The following FRMD6 variants were observed in gnomAD, a reference collection of about 807,000 sequenced individuals.
FRMD6 encodes the protein FERM domain containing 6.
In FRMD6, 37 loss-of-function variants were observed where a neutral mutation model predicts 73.2. That is an observed-to-expected ratio of 0.51 (90% CI 0.39 to 0.66). FRMD6 has a LOEUF of 0.66. FRMD6 is among the 30% of genes least tolerant of loss of function. The probability of loss-of-function intolerance (pLI) is 0.00; values close to 1 mark genes in which losing one functional copy is unlikely to be tolerated. For missense variants in FRMD6, 714 were observed against 780.5 expected (o/e 0.91, Z 1.02); for synonymous variants, 273 against 282.2 (o/e 0.97, Z 0.33).
the FRMD6 span, among the ~76,000 whole-genome samples, chr14:51,432,248 C>A: frequency 1.3e-5 from 2 of 152,096 alleles, no homozygotes; most frequent in Non-Finnish European, 2.9e-5. Flanking sequence ...GGGATCAAAT[C>A]CAGCTTCATT....
intron 1 of FRMD6, among the ~76,000 whole-genome samples, chr14:51,493,213 A>G (rs1883114897): frequency 6.6e-6 from 1 of 152,130 alleles, no homozygotes; most frequent in Non-Finnish European, 1.5e-5. Context: ...ATCACTTTAG[A>G]TTTTTCAAAA....
chr14:51,550,160 C>T (rs1886731554), intron 1 of FRMD6, among the ~76,000 whole-genome samples: 1 of 152,178 alleles, frequency 6.6e-6, no homozygotes, highest in Admixed American at 6.5e-5. Context: ...AAATTCACTC[C>T]AGGGAGTAAC....
At chr14:51,463,444 C>G in the FRMD6 span, among the ~76,000 whole-genome samples, 1 of 152,152 alleles carries the variant, frequency 6.6e-6, no homozygotes, top group Non-Finnish European at 1.5e-5. Context: ...CTTTTTGGAA[C>G]TTTGTGGAAT....
the FRMD6 span, among the ~76,000 whole-genome samples, chr14:51,465,678 T>C: frequency 1.9e-4 from 29 of 152,266 alleles, no homozygotes; most frequent in African/African-American, 7.0e-4. Context: ...TGCATGGATA[T>C]ACCACTATTT....
chr14:51,437,052 AG>A, the FRMD6 span: 29 of 448,054 alleles, frequency 6.5e-5, no homozygotes, highest in East Asian at 1.6e-3. Context: ...TTTGTTACAT[AG>A]GTATACATTG....
intron 2 of FRMD6, among the ~76,000 whole-genome samples, chr14:51,574,890 G>T (rs1056000623): frequency 6.6e-6 from 1 of 152,076 alleles, no homozygotes; most frequent in African/African-American, 2.4e-5. Context: ...ATTTACCCTG[G>T]TGTGATTACT....
rs374325590 is a variant in FRMD6, at chr14:51,701,597, A to G, written c.294+438A>G. 1.3e-3 allele frequency among the ~76,000 whole-genome samples: 194 copies of G among 147,554 alleles called. 2 individuals are homozygous for G. The East Asian group carries it at 0.014, about 11-fold the overall frequency. Reference sequence around the variant, plus strand: ...ATAGTATATAAAGTATATATAGTATATATACTTAGTATATATAAAAAATGG... The same window carrying G: ...ATAGTATATAAAGTATATATAGTATGTATACTTAGTATATATAAAAAATGG... On this transcript the variant is annotated intron_variant, in intron 4 of 13. Coordinates refer to ENST00000344768, the MANE Select transcript of FRMD6 (RefSeq NM_001267046.2).
chr14:51,519,675 C>G (rs963761618), intron 1 of FRMD6, among the ~76,000 whole-genome samples: 4 of 152,084 alleles, frequency 2.6e-5, no homozygotes, highest in Admixed American at 2.6e-4. Context: ...CATGGTGATC[C>G]TTACACTGTA....
chr14:51,524,083 C>A (rs921249245), intron 1 of FRMD6, among the ~76,000 whole-genome samples: 1 of 152,168 alleles, frequency 6.6e-6, no homozygotes, highest in African/African-American at 2.4e-5. Flanking sequence ...CACACATACA[C>A]AATATCTCAT....
At chr14:51,610,068 T>C (rs79700405) in intron 2 of FRMD6, among the ~76,000 whole-genome samples, 2,002 of 152,292 alleles carry the variant, frequency 0.013, 38 homozygotes, top group African/African-American at 0.045. Flanking sequence ...AGTCCGCCTC[T>C]AGTTTCATCT....
At chr14:51,501,152 T>C (rs777019591) in intron 1 of FRMD6, among the ~76,000 whole-genome samples, 14 of 152,248 alleles carry the variant, frequency 9.2e-5, no homozygotes, top group Non-Finnish European at 1.3e-4. Context: ...AATCTCTCCA[T>C]GCCCTGTTTC....
At chr14:51,519,962 T>C (rs183337056) in intron 1 of FRMD6, among the ~76,000 whole-genome samples, 1 of 152,302 alleles carries the variant, frequency 6.6e-6, no homozygotes, top group East Asian at 1.9e-4. Context: ...TATATGGATG[T>C]ACCCATTGTG....
the FRMD6 span, among the ~76,000 whole-genome samples, chr14:51,468,053 C>T: frequency 5.9e-5 from 9 of 152,244 alleles, 1 homozygote; most frequent in East Asian, 1.7e-3. Flanking sequence ...CCTCGGGAGG[C>T]CTAGGCTGGC....
At chr14:51,704,993 G>A in intron 6 of FRMD6, 58 bp downstream of exon 6, 1 of 1,464,868 alleles carries the variant, frequency 6.8e-7, no homozygotes, top group Non-Finnish European at 9.4e-7. Flanking sequence ...CTAGTTCGTA[G>A]TGTTGCTACT....
the FRMD6 span, among the ~76,000 whole-genome samples, chr14:51,443,821 G>A: frequency 1.3e-5 from 2 of 152,146 alleles, no homozygotes; most frequent in East Asian, 1.9e-4. Context: ...GCCAGAACAA[G>A]GCTTATCTCC....
intron 2 of FRMD6, among the ~76,000 whole-genome samples, chr14:51,645,475 G>T (rs1892022497): frequency 6.6e-6 from 1 of 152,062 alleles, no homozygotes; most frequent in Admixed American, 6.5e-5. Context: ...CTGTCACTCA[G>T]ATTGAGTGCA....
chr14:51,427,311 C>T, the FRMD6 span, among the ~76,000 whole-genome samples: 2 of 152,210 alleles, frequency 1.3e-5, no homozygotes, highest in Non-Finnish European at 2.9e-5. Flanking sequence ...TGGAGCAATA[C>T]ATTATTTATT....
At chr14:51,460,709 A>G in the FRMD6 span, among the ~76,000 whole-genome samples, 2 of 152,208 alleles carry the variant, frequency 1.3e-5, no homozygotes, top group African/African-American at 4.8e-5. Flanking sequence ...AGAGCAAGTG[A>G]TATGTTTCCT....
chr14:51,551,877 AT>A (rs968982881), intron 1 of FRMD6, among the ~76,000 whole-genome samples: 4 of 152,138 alleles, frequency 2.6e-5, no homozygotes, highest in Admixed American at 2.0e-4. Flanking sequence ...ATAGGTATGT[AT>A]TTGATCCATT....
Sources: allele counts gnomAD v4.1 joint callset (sites outside exome capture counted in the v4.1 genomes callset), GRCh38; gene constraint gnomAD v4.1.1; transcripts MANE v1.5; gene names NCBI Gene and HGNC (gene_info 2026-07-23, HGNC 2026-07-21).